The following LAMA2 variants were observed in gnomAD, a reference collection of about 807,000 sequenced individuals.
LAMA2 encodes the protein laminin subunit alpha-2.
In LAMA2, 269 loss-of-function variants were observed where a neutral mutation model predicts 364.8. The ratio of observed to expected loss-of-function variants is 0.74; its 90% CI spans 0.67 to 0.82. The LOEUF (loss-of-function observed/expected upper bound fraction) is 0.82, where lower values mean the gene tolerates loss of function less well. Ranked by LOEUF, LAMA2 falls within the 40% of genes least tolerant of loss-of-function variation. The pLI is 0.00. For missense variants in LAMA2, 3,807 were observed against 3,873.2 expected, an observed-to-expected ratio of 0.98 and a Z score of 0.45; for synonymous variants, 1,379 against 1,370.6, an observed-to-expected ratio of 1.01 and a Z score of -0.14.
chr6:129,387,817 C>T (rs1315909086), intron 35 of LAMA2, among the ~76,000 whole-genome samples: 2 of 152,214 alleles, frequency 1.3e-5, no homozygotes, highest in Non-Finnish European at 2.9e-5. Flanking sequence ...AAACCAAACA[C>T]CACATGTTCT....
chr6:129,410,336 A>AAG lies in LAMA2; in HGVS notation c.5865+6378_5865+6379insGA, dbSNP rs1466934092. Among the ~76,000 whole-genome samples the AAG allele has an allele frequency of 5.9e-5, 9 of 152,150 alleles. No individual in the cohort carries two copies. The East Asian group carries it at 1.5e-3, about 26-fold the overall frequency. ...CTAGGTATGCTGAATTAAAAAAAAA[A>AAG]AAGAATGACATTTTTAATTCCCATG... is the stretch of plus-strand genomic sequence containing the variant. On this transcript the variant is annotated intron_variant, in intron 40 of 64. Coordinates refer to ENST00000421865, the MANE Select transcript of LAMA2 (RefSeq NM_000426.4).
At chr6:129,330,140 G>A (rs1270585201) in intron 29 of LAMA2, among the ~76,000 whole-genome samples, 1 of 151,764 alleles carries the variant, frequency 6.6e-6, no homozygotes, top group Non-Finnish European at 1.5e-5. Flanking sequence ...ATGTTATGGT[G>A]AGTTGTATAA....
chr6:129,428,025 C>T (rs1162862751), intron 41 of LAMA2, among the ~76,000 whole-genome samples, 171 bp downstream of exon 41: 1 of 152,166 alleles, frequency 6.6e-6, no homozygotes, highest in South Asian at 2.1e-4. Flanking sequence ...TGTTGTCTAC[C>T]TATCTCACTT....
intron 1 of LAMA2, among the ~76,000 whole-genome samples, chr6:128,900,276 T>C (rs973526052): frequency 2.0e-5 from 3 of 152,154 alleles, no homozygotes; most frequent in African/African-American, 7.2e-5. Flanking sequence ...AGCTGGCCCT[T>C]CAGCAAAGGA....
intron 12 of LAMA2, among the ~76,000 whole-genome samples, chr6:129,233,803 A>G (rs10447440): frequency 6.6e-6 from 1 of 152,134 alleles, no homozygotes; most frequent in Admixed American, 6.6e-5. Flanking sequence ...GCAATGGGAT[A>G]AAAATATCAT....
chr6:129,225,977 T>A (rs1784241137), intron 12 of LAMA2, among the ~76,000 whole-genome samples: 1 of 152,254 alleles, frequency 6.6e-6, no homozygotes, highest in Admixed American at 6.5e-5. Context: ...CTAAGTCTCT[T>A]TGTAGGTCTC....
At chr6:129,135,578 G>A (rs1182633305) in intron 4 of LAMA2, among the ~76,000 whole-genome samples, 1 of 152,186 alleles carries the variant, frequency 6.6e-6, no homozygotes. Flanking sequence ...TTCTGAAATA[G>A]CAATGAGGTT....
At chr6:128,990,806 T>C (rs949471144) in intron 1 of LAMA2, among the ~76,000 whole-genome samples, 6 of 152,126 alleles carry the variant, frequency 3.9e-5, no homozygotes, top group African/African-American at 1.4e-4. Context: ...ATGTTTTTAA[T>C]TGAGCTGCAA....
Position 129,292,949 on chromosome 6 carries a change from G to A in LAMA2, c.2856+1229G>A, listed in dbSNP as rs546416409. On this transcript the variant is annotated intron_variant, in intron 20 of 64. Coordinates refer to ENST00000421865, the MANE Select transcript of LAMA2 (RefSeq NM_000426.4). ...GGAAACAGTGCAACCTCGGCAGGCAGGTGCACCAACAGGAGGAGCAGCCGC... is the reference window on the plus strand; with the variant it reads ...GGAAACAGTGCAACCTCGGCAGGCAAGTGCACCAACAGGAGGAGCAGCCGC... 3.0e-6 allele frequency: 3 copies of A among 985,916 alleles called. No individual in the cohort carries two copies. In the South Asian group the frequency reaches 1.4e-4, roughly 46 times the overall value. The allele number at this position is 985,916 out of a possible 1,614,324, so 61.1% of individuals were successfully genotyped here.
intron 29 of LAMA2, among the ~76,000 whole-genome samples, chr6:129,329,035 A>C (rs1320486366): frequency 6.6e-6 from 1 of 152,076 alleles, no homozygotes; most frequent in Non-Finnish European, 1.5e-5. Context: ...ACTCTCTACC[A>C]CCATCTGCAT....
In LAMA2 at chr6:129,200,941, C is replaced by A. The variant is rs562408358; in HGVS notation, c.1782+8088C>A. On this transcript the variant is annotated intron_variant, in intron 12 of 64. Coordinates refer to ENST00000421865, the MANE Select transcript of LAMA2 (RefSeq NM_000426.4). Reference sequence around the variant, plus strand: ...AAAATAAACTCCCCTTGAAACAAATCATAAATTTTCAAAAATTATGCTAAA... The same window carrying A: ...AAAATAAACTCCCCTTGAAACAAATAATAAATTTTCAAAAATTATGCTAAA... 2.1e-3 allele frequency among the ~76,000 whole-genome samples: 322 copies of A among 152,248 alleles called. 4 individuals carry two copies. Among genetic ancestry groups the A allele is most frequent in the Non-Finnish European group, 1.6e-3 (106 of 68,014 alleles).
chr6:129,055,182 A>ATTTATTAT (rs146460146), intron 2 of LAMA2, among the ~76,000 whole-genome samples: 8 of 142,472 alleles, frequency 5.6e-5, no homozygotes, highest in African/African-American at 2.1e-4. Flanking sequence ...ATTATTTATT[A>ATTTATTAT]TTATTATTAT....
chr6:129,297,797 G>C lies in LAMA2; in HGVS notation c.2969G>C (p.Gly990Ala). 6.2e-7 allele frequency: 1 copy of C among 1,614,036 alleles called. No individual in the cohort carries two copies. The highest frequency in any genetic ancestry group is 8.5e-7 in the Non-Finnish European group (1 of 1,179,982). Residue 990 changes from glycine to alanine, a missense_variant, in exon 21 of 65, where the codon GGA becomes GCA. Transcript: ENST00000421865. ...AGTGGACAATGTTGGTGCCAACCTG[G>C]AGTCACAGGGAAGAAATGTGACCGC... is the stretch of plus-strand genomic sequence containing the variant. Reference protein sequence around the residue: ...EESGQCWCQPGVTGKKCDRCA... With the variant: ...EESGQCWCQPAVTGKKCDRCA...
chr6:129,349,006 T>C (rs956549630), intron 30 of LAMA2, among the ~76,000 whole-genome samples: 1 of 152,224 alleles, frequency 6.6e-6, no homozygotes, highest in Non-Finnish European at 1.5e-5. Context: ...TTTTGCTGGA[T>C]GTTTAGTATA....
chr6:128,931,937 A>G (rs956966148), intron 1 of LAMA2, among the ~76,000 whole-genome samples: 3 of 152,130 alleles, frequency 2.0e-5, no homozygotes, highest in African/African-American at 7.2e-5. Context: ...ATGATTGTTC[A>G]TTATATTTTT....
chr6:129,087,747 A>C (rs1774465511), intron 3 of LAMA2, among the ~76,000 whole-genome samples: 1 of 151,964 alleles, frequency 6.6e-6, no homozygotes, highest in Admixed American at 6.6e-5. Flanking sequence ...CATGGACTAC[A>C]AGGGATCAAG....
At chr6:129,154,127 G>T (rs1396872290) in intron 7 of LAMA2, among the ~76,000 whole-genome samples, 2 of 152,132 alleles carry the variant, frequency 1.3e-5, no homozygotes, top group African/African-American at 2.4e-5. Flanking sequence ...TGGTATAAAA[G>T]TCTAGGCCGG....
At chr6:129,032,764 C>T (rs1786327982) in intron 1 of LAMA2, among the ~76,000 whole-genome samples, 1 of 152,148 alleles carries the variant, frequency 6.6e-6, no homozygotes, top group South Asian at 2.1e-4. Context: ...TTGGCAATGA[C>T]CCTGGAGAGA....
At chr6:129,475,360 G>GTTTTTTTTTTTT (rs398123386) in intron 52 of LAMA2, 30 bp from the exon 53 acceptor site, 3 of 1,165,568 alleles carry the variant, frequency 2.6e-6, no homozygotes, top group African/African-American at 1.7e-5. Context: ...TTTTATTTTT[G>GTTTTTTTTTTTT]TTTTTTTTTT....
Sources: gnomAD v4.1 joint callset for allele counts (sites outside exome capture counted in the v4.1 genomes callset) on GRCh38, gnomAD v4.1.1 for gene constraint, MANE v1.5 for transcripts, NCBI Gene and HGNC (gene_info 2026-07-23, HGNC 2026-07-21) for gene names.